Variants in FGGY observed in about 807,000 individuals in gnomAD.
FGGY encodes the protein FGGY carbohydrate kinase domain containing.
FGGY carries 72 observed loss-of-function variants against 71.3 expected under a neutral mutation model. The ratio of observed to expected loss-of-function variants is 1.01; its 90% CI spans 0.84 to 1.23. The LOEUF (loss-of-function observed/expected upper bound fraction) is 1.23, where lower values mean the gene tolerates loss of function less well. FGGY is among the 50% of genes most tolerant of loss of function. FGGY has a pLI of 0.00. For synonymous variants in FGGY, 251 were observed against 250.3 expected (o/e 1.00, Z -0.02); for missense variants, 668 against 682.3 (o/e 0.98, Z 0.23).
At chr1:59,751,334 G>C (rs898326659) in intron 14 of FGGY, among the ~76,000 whole-genome samples, 1 of 152,052 alleles carries the variant, frequency 6.6e-6, no homozygotes, top group Non-Finnish European at 1.5e-5. Context: ...AGTGGTAGTC[G>C]GCCCCTAAGT....
chr1:59,344,636 A>T (rs1570700755), intron 3 of FGGY, among the ~76,000 whole-genome samples: 1 of 152,254 alleles, frequency 6.6e-6, no homozygotes, highest in East Asian at 1.9e-4. Context: ...ACCCACAGAT[A>T]CTCAAGTCCC....
At chr1:59,667,524 C>A in intron 13 of FGGY, 121 bp downstream of exon 13, 2 of 1,239,354 alleles carry the variant, frequency 1.6e-6, no homozygotes, top group South Asian at 2.9e-5. Context: ...TTAGAATAAT[C>A]CTGAAGTCTT....
intron 14 of FGGY, among the ~76,000 whole-genome samples, chr1:59,729,685 G>A (rs573317984): frequency 6.6e-6 from 1 of 152,206 alleles, no homozygotes. Flanking sequence ...TTATACTGGG[G>A]TCATGTCGAT....
intron 1 of FGGY, among the ~76,000 whole-genome samples, chr1:59,310,560 G>A (rs1440901244): frequency 2.0e-5 from 3 of 152,178 alleles, no homozygotes; most frequent in African/African-American, 7.2e-5. Context: ...CCTGTCCCCC[G>A]ACTATCTCCC....
intron 2 of FGGY, among the ~76,000 whole-genome samples, chr1:59,328,597 T>C (rs563699465): frequency 6.6e-6 from 1 of 152,216 alleles, no homozygotes; most frequent in Non-Finnish European, 1.5e-5. Flanking sequence ...CTTACGAACT[T>C]TCTTTTGCAT....
chr1:59,398,634 G>A (rs931425931), intron 5 of FGGY, among the ~76,000 whole-genome samples: 1 of 152,138 alleles, frequency 6.6e-6, no homozygotes, highest in African/African-American at 2.4e-5. Context: ...GTGGGCTTTT[G>A]GTTGTGAGCA....
intron 8 of FGGY, among the ~76,000 whole-genome samples, chr1:59,585,982 TA>T: frequency 6.6e-6 from 1 of 152,156 alleles, no homozygotes; most frequent in Non-Finnish European, 1.5e-5. Flanking sequence ...TCACACCAGT[TA>T]GAATGCCAAT....
At chr1:59,652,147 T>A (rs1334559166) in intron 11 of FGGY, among the ~76,000 whole-genome samples, 1 of 152,166 alleles carries the variant, frequency 6.6e-6, no homozygotes, top group Non-Finnish European at 1.5e-5. Flanking sequence ...GGCTTCCCTT[T>A]GAGGGTAACC....
intron 7 of FGGY, among the ~76,000 whole-genome samples, chr1:59,517,676 C>G (rs1309627173): frequency 6.6e-6 from 1 of 152,112 alleles, no homozygotes; most frequent in Admixed American, 6.6e-5. Flanking sequence ...TTTGTGTGTG[C>G]CACATTGCCT....
chr1:59,547,073 C>T (rs1366876624), intron 7 of FGGY, among the ~76,000 whole-genome samples: 2 of 151,664 alleles, frequency 1.3e-5, no homozygotes, highest in Admixed American at 6.6e-5. Flanking sequence ...CTGCCTCAGC[C>T]CCCTGAGCAG....
intron 5 of FGGY, among the ~76,000 whole-genome samples, chr1:59,390,369 A>G (rs989337469): frequency 6.6e-6 from 1 of 152,176 alleles, no homozygotes; most frequent in Admixed American, 6.5e-5. Context: ...CATCAAGGAC[A>G]CTAGCTTTTT....
intron 8 of FGGY, among the ~76,000 whole-genome samples, chr1:59,587,997 A>C (rs1407052268): frequency 6.6e-6 from 1 of 152,234 alleles, no homozygotes; most frequent in Non-Finnish European, 1.5e-5. Flanking sequence ...AACTATTCCA[A>C]GCTACAGAAG....
At chr1:59,680,320 C>G (rs1169509015) in intron 14 of FGGY, among the ~76,000 whole-genome samples, 1 of 151,720 alleles carries the variant, frequency 6.6e-6, no homozygotes, top group Non-Finnish European at 1.5e-5. Flanking sequence ...ATGTCAGTGT[C>G]CCTCAGAAAG....
chr1:59,404,377 A>G (rs1165978405), intron 5 of FGGY, among the ~76,000 whole-genome samples: 2 of 152,062 alleles, frequency 1.3e-5, no homozygotes, highest in African/African-American at 2.4e-5. Flanking sequence ...AAAAAAATAC[A>G]TTTTTTCTTT....
intron 5 of FGGY, among the ~76,000 whole-genome samples, chr1:59,381,047 G>C (rs141744028): frequency 0.017 from 2,538 of 152,162 alleles, 72 homozygotes; most frequent in African/African-American, 0.058. Flanking sequence ...ATTAAATAGG[G>C]AATCCTTTCC....
intron 14 of FGGY, among the ~76,000 whole-genome samples, chr1:59,705,036 C>T (rs1273562904): frequency 6.6e-6 from 1 of 152,130 alleles, no homozygotes; most frequent in Non-Finnish European, 1.5e-5. Context: ...TGAACATTCT[C>T]TTTATACCCA....
intron 5 of FGGY, among the ~76,000 whole-genome samples, chr1:59,384,450 C>T (rs1474207662): frequency 6.6e-6 from 1 of 152,100 alleles, no homozygotes; most frequent in Admixed American, 6.6e-5. Flanking sequence ...ACAAGGAACC[C>T]CTCTGAGCTT....
chr1:59,415,657 G>C (rs2064266923), intron 5 of FGGY, among the ~76,000 whole-genome samples: 1 of 152,194 alleles, frequency 6.6e-6, no homozygotes, highest in Admixed American at 6.5e-5. Flanking sequence ...GCTGCCCCTA[G>C]CAGTTATCAC....
intron 14 of FGGY, among the ~76,000 whole-genome samples, chr1:59,674,503 C>A (rs769935933): frequency 6.6e-6 from 1 of 152,112 alleles, no homozygotes; most frequent in Non-Finnish European, 1.5e-5. Flanking sequence ...GTCAACCTCA[C>A]CATTTTCTAA....
Sources: allele counts gnomAD v4.1 joint callset (sites outside exome capture counted in the v4.1 genomes callset), GRCh38; gene constraint gnomAD v4.1.1; transcripts MANE v1.5; gene names NCBI Gene and HGNC (gene_info 2026-07-23, HGNC 2026-07-21).